MSRB3: variants seen among roughly 807,000 people sequenced by gnomAD.
The protein encoded by MSRB3 is methionine sulfoxide reductase B3.
MSRB3 carries 13 observed loss-of-function variants against 21.0 expected under a neutral mutation model. That is an observed-to-expected ratio of 0.62 (90% CI 0.40 to 0.98). The LOEUF is 0.98. Ranked by LOEUF, MSRB3 falls within the 50% of genes least tolerant of loss-of-function variation. MSRB3 has a pLI of 0.00. For synonymous variants in MSRB3, 87 were observed against 88.6 expected (o/e 0.98, Z 0.10); for missense variants, 199 against 230.3 (o/e 0.86, Z 0.88).
chr12:65,435,533 T>C (rs1295163927), intron 5 of MSRB3, among the ~76,000 whole-genome samples: 2 of 151,948 alleles, frequency 1.3e-5, no homozygotes, highest in Non-Finnish European at 2.9e-5. Flanking sequence ...CTGAGCAATA[T>C]TGATTTTGAA....
At chr12:65,335,610 T>TTG (rs895293320) in intron 4 of MSRB3, among the ~76,000 whole-genome samples, 17 of 151,896 alleles carry the variant, frequency 1.1e-4, no homozygotes, top group African/African-American at 2.7e-4. Context: ...TGATGCAATT[T>TTG]TGTGTGTGTG....
intron 4 of MSRB3, among the ~76,000 whole-genome samples, chr12:65,331,800 C>T (rs568093915): frequency 3.3e-5 from 5 of 152,150 alleles, no homozygotes; most frequent in African/African-American, 4.8e-5. Flanking sequence ...GCTGCGTACA[C>T]GGGAGGAGAT....
At chr12:65,436,496 C>T (rs971938272) in intron 5 of MSRB3, among the ~76,000 whole-genome samples, 4 of 151,692 alleles carry the variant, frequency 2.6e-5, no homozygotes, top group African/African-American at 9.7e-5. Context: ...CATTTAGAAA[C>T]ATTTTCCTGT....
intron 4 of MSRB3, among the ~76,000 whole-genome samples, chr12:65,348,529 A>G (rs948652802): frequency 6.6e-6 from 1 of 152,074 alleles, no homozygotes; most frequent in African/African-American, 2.4e-5. Flanking sequence ...GATCTTTTCA[A>G]AAAACCAGCT....
intron 5 of MSRB3, among the ~76,000 whole-genome samples, chr12:65,411,214 G>A (rs779530078): frequency 1.3e-5 from 2 of 152,110 alleles, no homozygotes; most frequent in East Asian, 1.9e-4. Context: ...GTGAATAAAC[G>A]GGTGTTTCCA....
intron 4 of MSRB3, among the ~76,000 whole-genome samples, chr12:65,360,031 C>T (rs376041309): frequency 5.9e-5 from 9 of 152,056 alleles, no homozygotes; most frequent in South Asian, 2.1e-4. Flanking sequence ...CTCTCGTTGG[C>T]TTGTAGATGG....
chr12:65,321,498 TG>T (rs1473904446), intron 2 of MSRB3, among the ~76,000 whole-genome samples: 2 of 152,142 alleles, frequency 1.3e-5, no homozygotes, highest in Middle Eastern at 3.2e-3. Context: ...CATCTTAGAC[TG>T]TATGTTAATC....
chr12:65,293,756 G>A (rs1031648860), intron 1 of MSRB3, among the ~76,000 whole-genome samples: 24 of 152,122 alleles, frequency 1.6e-4, no homozygotes, highest in African/African-American at 5.1e-4. Context: ...AGGGACCATG[G>A]CATCTTGTTT....
intron 5 of MSRB3, among the ~76,000 whole-genome samples, chr12:65,440,479 T>C (rs1882322566): frequency 6.6e-6 from 1 of 151,922 alleles, no homozygotes; most frequent in South Asian, 2.1e-4. Context: ...TTCTTCTTAA[T>C]TGTGTGAAAC....
At chr12:65,329,647 CAAAA>C (rs11443001) in intron 4 of MSRB3, among the ~76,000 whole-genome samples, 1 of 84,826 alleles carries the variant, frequency 1.2e-5, no homozygotes. Flanking sequence ...GATTCCGTCT[CAAAA>C]AAAAAAAAAA....
chr12:65,438,605 G>A (rs935744974), intron 5 of MSRB3, among the ~76,000 whole-genome samples: 1 of 151,836 alleles, frequency 6.6e-6, no homozygotes, highest in Non-Finnish European at 1.5e-5. Context: ...CTGGAAAATA[G>A]AAAGACAACA....
chr12:65,353,373 G>C (rs1877160116), intron 4 of MSRB3, among the ~76,000 whole-genome samples: 1 of 152,012 alleles, frequency 6.6e-6, no homozygotes, highest in African/African-American at 2.4e-5. Context: ...TCTCTTTGTA[G>C]GTCTCTAAAG....
At chr12:65,394,251 A>G (rs1290696877) in intron 5 of MSRB3, among the ~76,000 whole-genome samples, 1 of 152,176 alleles carries the variant, frequency 6.6e-6, no homozygotes, top group Non-Finnish European at 1.5e-5. Flanking sequence ...GCAAAATTTC[A>G]AGAGGATATA....
intron 6 of MSRB3, among the ~76,000 whole-genome samples, chr12:65,460,473 G>A (rs934405708): frequency 6.6e-6 from 1 of 152,204 alleles, no homozygotes; most frequent in Non-Finnish European, 1.5e-5. Context: ...AAATGGCTTT[G>A]CCGGCAGTGG....
chr12:65,421,788 A>G (rs1881310750), intron 5 of MSRB3, among the ~76,000 whole-genome samples: 1 of 152,232 alleles, frequency 6.6e-6, no homozygotes, highest in African/African-American at 2.4e-5. Flanking sequence ...ATTTAAGTAC[A>G]CAGACTAGTG....
At chr12:65,385,354 C>T (rs1367323999) in intron 5 of MSRB3, among the ~76,000 whole-genome samples, 33 of 152,018 alleles carry the variant, frequency 2.2e-4, no homozygotes, top group Admixed American at 2.0e-3. Context: ...TACAGCACCT[C>T]TTAATTTTCA....
intron 4 of MSRB3, among the ~76,000 whole-genome samples, chr12:65,339,498 A>G (rs1030263003): frequency 6.6e-6 from 1 of 152,232 alleles, no homozygotes; most frequent in Non-Finnish European, 1.5e-5. Flanking sequence ...GGCTATTTCA[A>G]GTACAGATAT....
At chr12:65,446,506 A>T (rs1365335370) in intron 5 of MSRB3, among the ~76,000 whole-genome samples, 1 of 152,192 alleles carries the variant, frequency 6.6e-6, no homozygotes, top group Non-Finnish European at 1.5e-5. Context: ...TTAGATGAAG[A>T]GACTAAAGTC....
At chr12:65,287,966 T>A (rs1300345603) in intron 1 of MSRB3, among the ~76,000 whole-genome samples, 2 of 152,124 alleles carry the variant, frequency 1.3e-5, no homozygotes, top group African/African-American at 4.8e-5. Context: ...AGTTTTCATA[T>A]CTGCAAAATG....
Sources: gnomAD v4.1 joint callset for allele counts (sites outside exome capture counted in the v4.1 genomes callset) on GRCh38, gnomAD v4.1.1 for gene constraint, MANE v1.5 for transcripts, NCBI Gene and HGNC (gene_info 2026-07-23, HGNC 2026-07-21) for gene names.